Variants in PCBP3 observed in about 807,000 individuals in gnomAD.
PCBP3 encodes the protein poly(rC) binding protein 3.
In PCBP3, 25 loss-of-function variants were observed where a neutral mutation model predicts 52.7. The observed-to-expected ratio is 0.47, with a 90% CI of 0.35 to 0.66. PCBP3 has a LOEUF of 0.66. Among genes scored for constraint, PCBP3 ranks in the 30% least tolerant of loss-of-function variants. PCBP3 has a pLI of 0.01. For synonymous variants in PCBP3, 162 were observed against 183.0 expected, an observed-to-expected ratio of 0.89 and a Z score of 0.93; for missense variants, 391 against 490.3, an observed-to-expected ratio of 0.80 and a Z score of 1.91.
chr21:45,813,385 T>G (rs1485474022), intron 4 of PCBP3, among the ~76,000 whole-genome samples: 1 of 152,208 alleles, frequency 6.6e-6, no homozygotes. Context: ...TAGTTTCCCT[T>G]TTCTTCCTTA....
chr21:45,660,138 T>TAC (rs544794740), intron 1 of PCBP3, among the ~76,000 whole-genome samples: 4 of 151,946 alleles, frequency 2.6e-5, no homozygotes, highest in African/African-American at 4.8e-5. Flanking sequence ...TTTATATGTA[T>TAC]ACACACACAC....
intron 12 of PCBP3, 138 bp downstream of exon 12, chr21:45,914,163 T>C: frequency 6.9e-7 from 1 of 1,453,042 alleles, no homozygotes; most frequent in African/African-American, 1.4e-5. Flanking sequence ...GCAGAGCTCT[T>C]CCACCTACAC....
At chr21:45,919,768 G>C (rs1021592264) in intron 13 of PCBP3, among the ~76,000 whole-genome samples, 1 of 152,228 alleles carries the variant, frequency 6.6e-6, no homozygotes, top group Admixed American at 6.5e-5. Context: ...GGCACTGTTG[G>C]GGCTGCCCCA....
chr21:45,648,088 T>C (rs1412552742), intron 1 of PCBP3, among the ~76,000 whole-genome samples: 1 of 152,188 alleles, frequency 6.6e-6, no homozygotes, highest in Non-Finnish European at 1.5e-5. Flanking sequence ...GAAAAGGGAT[T>C]CTGTCCCCTA....
chr21:45,902,439 A>G (rs116459489), intron 9 of PCBP3, among the ~76,000 whole-genome samples: 1,658 of 152,336 alleles, frequency 0.011, 23 homozygotes, highest in African/African-American at 0.035. Context: ...AGGAAAGGCT[A>G]GAGAGCCAGG....
intron 3 of PCBP3, among the ~76,000 whole-genome samples, chr21:45,747,001 T>TTG (rs1352686772): frequency 7.0e-6 from 1 of 142,230 alleles, no homozygotes; most frequent in Non-Finnish European, 1.5e-5. Flanking sequence ...GCACACGGTG[T>TTG]TGTCAGCATC....
At chr21:45,671,599 G>A (rs893540809) in intron 2 of PCBP3, among the ~76,000 whole-genome samples, 10 of 152,216 alleles carry the variant, frequency 6.6e-5, no homozygotes, top group African/African-American at 2.4e-4. Context: ...TGGGAACCAT[G>A]GGGTGTTGTG....
chr21:45,813,622 T>A (rs1413061722), intron 4 of PCBP3, among the ~76,000 whole-genome samples: 3 of 152,140 alleles, frequency 2.0e-5, no homozygotes, highest in South Asian at 2.1e-4. Flanking sequence ...TTGTATTTTT[T>A]AAATAGAGAT....
rs1569282877 is a variant in PCBP3, at chr21:45,830,936, C to T, written c.-125-19025C>T. 6.6e-6 allele frequency: 1 copy of T among 152,310 alleles called. No homozygotes were observed. The highest frequency in any genetic ancestry group is 6.5e-5 in the Admixed American group (1 of 15,282). The allele number at this position is 152,310 out of a possible 1,614,324, so 9.4% of individuals were successfully genotyped here. On this transcript the variant is annotated intron_variant, in intron 4 of 17. Coordinates refer to ENST00000681687, the MANE Select transcript of PCBP3 (RefSeq NM_001384156.1). This position sits in a 1 kb window ranked among gnomAD's most constrained non-coding sequence, Gnocchi z 4.4. ...GTGCTGTGCCCTCTGCCCTCCTCTC[C>T]CGGGCTCTTGGCAGCTTCCCGGCCG...
chr21:45,750,395 A>ACCCCCC (rs56245641), intron 3 of PCBP3: 1 of 87,686 alleles, frequency 1.1e-5, no homozygotes, highest in Non-Finnish European at 2.4e-5. Flanking sequence ...CTGGGAGCAG[A>ACCCCCC]CCCCCCCCCC....
chr21:45,796,687 A>T (rs1603430361), intron 4 of PCBP3, among the ~76,000 whole-genome samples: 1 of 152,068 alleles, frequency 6.6e-6, no homozygotes, highest in Non-Finnish European at 1.5e-5. Context: ...TGCACCATTA[A>T]TGCCTTTTAG....
intron 6 of PCBP3, among the ~76,000 whole-genome samples, chr21:45,897,076 T>A (rs927139852): frequency 3.9e-5 from 6 of 152,352 alleles, no homozygotes; most frequent in Non-Finnish European, 8.8e-5. Flanking sequence ...TGACACTGCC[T>A]GGGTCATTGG....
At chr21:45,863,626 G>C (rs1026996364) in intron 5 of PCBP3, among the ~76,000 whole-genome samples, 1 of 152,242 alleles carries the variant, frequency 6.6e-6, no homozygotes, top group Non-Finnish European at 1.5e-5. Context: ...AGCCTCCCTC[G>C]GTGGAGAGCG....
At chr21:45,858,437 G>GGTA (rs1237616073) in intron 5 of PCBP3, 1 of 152,278 alleles carries the variant, frequency 6.6e-6, no homozygotes, top group Non-Finnish European at 1.5e-5. Context: ...GTGAAGATAA[G>GGTA]CTGTTTATTG....
intron 14 of PCBP3, 98 bp from the exon 15 acceptor site, chr21:45,930,688 T>G (rs1450647972): frequency 7.8e-6 from 5 of 644,968 alleles, no homozygotes; most frequent in Non-Finnish European, 1.4e-5. Context: ...AGAGCGCCGG[T>G]GCGTGCGCCA....
intron 5 of PCBP3, among the ~76,000 whole-genome samples, chr21:45,887,821 C>T (rs558703133): frequency 1.3e-5 from 2 of 152,338 alleles, no homozygotes; most frequent in Admixed American, 1.3e-4. Flanking sequence ...CCCTAAGCTT[C>T]CCGGAGAGCC....
chr21:45,790,780 C>T (rs1352621057), intron 4 of PCBP3, among the ~76,000 whole-genome samples: 1 of 152,096 alleles, frequency 6.6e-6, no homozygotes, highest in East Asian at 1.9e-4. Context: ...CACACAGGTC[C>T]TTGGGGGTCT....
chr21:45,840,171 G>A lies in PCBP3; in HGVS notation c.-125-9790G>A, dbSNP rs373347593. On this transcript the variant is annotated intron_variant, in intron 4 of 17. Transcript: ENST00000681687. ...TTTATAGAGTAAAAATGTTACAGTA[G>A]GCTGGGCACGGTGGCTCACTCCTGT... Among the ~76,000 whole-genome samples the A allele has an allele frequency of 5.3e-3, 804 of 151,934 alleles. 4 individuals carry two copies. The highest frequency in any genetic ancestry group is 0.018 in the African/African-American group (753 of 41,464).
chr21:45,867,917 A>C (rs2094813255), intron 5 of PCBP3, among the ~76,000 whole-genome samples: 1 of 152,284 alleles, frequency 6.6e-6, no homozygotes, highest in African/African-American at 2.4e-5. Context: ...GCCGTCGCAC[A>C]CACAGCGGGG....
Sources: allele counts gnomAD v4.1 joint callset (sites outside exome capture counted in the v4.1 genomes callset), GRCh38; gene constraint gnomAD v4.1.1; non-coding constraint Gnocchi (gnomAD v3.1); transcripts MANE v1.5; gene names NCBI Gene and HGNC (gene_info 2026-07-23, HGNC 2026-07-21).